The following FAM13B variants were observed in gnomAD, a reference collection of about 807,000 sequenced individuals.
FAM13B encodes protein FAM13B.
Under a neutral mutation model 117.3 loss-of-function variants are expected in FAM13B, and 60 were observed. That is an observed-to-expected ratio of 0.51 (90% CI 0.42 to 0.63). The LOEUF is 0.63. FAM13B is among the 30% of genes least tolerant of loss of function. The probability of loss-of-function intolerance (pLI) is 0.00; values close to 1 mark genes in which losing one functional copy is unlikely to be tolerated. For synonymous variants in FAM13B, 332 were observed against 356.1 expected (o/e 0.93, Z 0.76); for missense variants, 972 against 1,091.9 (o/e 0.89, Z 1.55).
At chr5:138,045,523 AC>A (rs1219342018) in intron 1 of FAM13B, among the ~76,000 whole-genome samples, 1 of 152,066 alleles carries the variant, frequency 6.6e-6, no homozygotes, top group Non-Finnish European at 1.5e-5. Context: ...ACAGAGCCAG[AC>A]CCCATCTCAA....
At chr5:138,041,142 T>C (rs1370783295) in intron 1 of FAM13B, among the ~76,000 whole-genome samples, 1 of 151,070 alleles carries the variant, frequency 6.6e-6, no homozygotes, top group Non-Finnish European at 1.5e-5. Context: ...GACCTTTCAA[T>C]AGTAACAATA....
chr5:138,015,299 G>A (rs1188330413), intron 4 of FAM13B, among the ~76,000 whole-genome samples: 6 of 152,208 alleles, frequency 3.9e-5, no homozygotes, highest in Non-Finnish European at 7.3e-5. Flanking sequence ...ACAGAAAAAT[G>A]AAACCACTTT....
intron 11 of FAM13B, among the ~76,000 whole-genome samples, chr5:137,960,964 G>A (rs1260104768): frequency 6.6e-6 from 1 of 152,164 alleles, no homozygotes; most frequent in Non-Finnish European, 1.5e-5. Context: ...ATGACACATC[G>A]AGATGTCACT....
At position 137,954,187 on chromosome 5, in the gene FAM13B, G is replaced by A; in HGVS notation, c.1697C>T (p.Ser566Phe). Residue 566 changes from serine (S) to phenylalanine (F), a missense_variant, in exon 15 of 24, where the codon TCT becomes TTT. Transcript: ENST00000689681. ...ATACCTAGTAAAAGACAGTGCTTTA[G>A]ATGAGGAATCCAACTTTTCTGGATC... ...LHDPEKLDSS[S>F]KALSFTRIRR... The A allele has an allele frequency of 6.2e-7, 1 of 1,613,744 alleles. No homozygotes were observed. Among genetic ancestry groups the A allele is most frequent in the Non-Finnish European group, 8.5e-7 (1 of 1,179,876 alleles).
chr5:137,945,047 C>T (rs1190841778), intron 20 of FAM13B, among the ~76,000 whole-genome samples: 1 of 151,770 alleles, frequency 6.6e-6, no homozygotes, highest in East Asian at 1.9e-4. Flanking sequence ...ACCTCAGCAT[C>T]AAGCAATACA....
chr5:137,955,243 T>G (rs1766170689), intron 14 of FAM13B, among the ~76,000 whole-genome samples: 1 of 152,202 alleles, frequency 6.6e-6, no homozygotes, highest in Non-Finnish European at 1.5e-5. Context: ...ACTCACCAAA[T>G]GGAGTTCTCT....
chr5:138,003,553 T>C (rs1176691477), intron 7 of FAM13B, among the ~76,000 whole-genome samples: 1 of 152,192 alleles, frequency 6.6e-6, no homozygotes, highest in Non-Finnish European at 1.5e-5. Context: ...TAGACATATC[T>C]GTTTCTGCTG....
At position 138,016,972 on chromosome 5, in the gene FAM13B, A is replaced by G. The variant is rs186051002; in HGVS notation, c.370+1330T>C. On this transcript the variant is annotated intron_variant, in intron 4 of 23. Coordinates refer to ENST00000689681, the MANE Select transcript of FAM13B (RefSeq NM_001385994.1). ...AAATGCTTATTATGTGTCTCAACATAAACATTTGAAAAAATTCCTGTAATA... is the reference window on the plus strand; with the variant it reads ...AAATGCTTATTATGTGTCTCAACATGAACATTTGAAAAAATTCCTGTAATA... Among the ~76,000 whole-genome samples the G allele has an allele frequency of 5.9e-5, 9 of 152,356 alleles. No homozygotes were observed. In the East Asian group the frequency reaches 1.7e-3, roughly 29 times the overall value.
chr5:137,975,980 CT>C (rs57478594), intron 10 of FAM13B, among the ~76,000 whole-genome samples: 2 of 110,186 alleles, frequency 1.8e-5, no homozygotes, highest in African/African-American at 3.7e-5. Flanking sequence ...TCAACTCTTC[CT>C]TTTTTTTTTT....
chr5:137,959,352 G>GC (rs1421485054), intron 13 of FAM13B, among the ~76,000 whole-genome samples: 1 of 152,144 alleles, frequency 6.6e-6, no homozygotes, highest in South Asian at 2.1e-4. Flanking sequence ...TATGCTGGGT[G>GC]ACTTTTTAAA....
intron 1 of FAM13B, 120 bp downstream of exon 1, chr5:138,032,662 A>G (rs988080142): frequency 3.7e-5 from 35 of 941,160 alleles, no homozygotes; most frequent in Non-Finnish European, 4.2e-5. Context: ...ACATCCCGAA[A>G]CGCAACGCCC....
At position 137,953,437 on chromosome 5, in the gene FAM13B, C is replaced by T. The variant is rs1217435674; in HGVS notation, c.1747G>A (p.Asp583Asn). 1 of 1,613,788 alleles carries T rather than the reference C, an allele frequency of 6.2e-7. No homozygotes were observed. Among genetic ancestry groups the T allele is most frequent in the Non-Finnish European group, 8.5e-7 (1 of 1,179,914 alleles). Residue 583 changes from aspartate (D) to asparagine (N), a missense_variant, in exon 16 of 24, where the codon GAT (aspartate) becomes AAT (asparagine). Transcript: ENST00000689681. ...GGTGTTCTGTCCTCTCTCTTTTCATCTTTTGAACTAAAGGATGATCTTCGA... is the reference window on the plus strand; with the variant it reads ...GGTGTTCTGTCCTCTCTCTTTTCATTTTTTGAACTAAAGGATGATCTTCGA... ...RIRRSSFSSK[D>N]EKREDRTPYQ...
rs1486872917 is a variant in FAM13B, at chr5:137,938,464, G to GA, written c.*1760dup. 6.6e-6 allele frequency: 1 copy of GA among 152,590 alleles called. No individual in the cohort carries two copies. 9.5% of individuals were successfully genotyped at this position (152,590 alleles called of 1,614,324 possible). On this transcript the variant is annotated 3_prime_UTR_variant, in exon 24 of 24. Transcript: ENST00000689681. ...ATCTGGAGACTGAAGGAAATTATCT[G>GA]AAATGTACACTGCATGATGGATTCA...
At chr5:137,948,049 A>G (rs1410563104) in intron 18 of FAM13B, among the ~76,000 whole-genome samples, 1 of 152,154 alleles carries the variant, frequency 6.6e-6, no homozygotes, top group Non-Finnish European at 1.5e-5. Flanking sequence ...TACCTAGATA[A>G]AAGTTCACCT....
At chr5:137,984,100 T>C (rs1776552787) in intron 10 of FAM13B, among the ~76,000 whole-genome samples, 1 of 152,206 alleles carries the variant, frequency 6.6e-6, no homozygotes, top group African/African-American at 2.4e-5. Context: ...AATTTAGTCA[T>C]TATTACAACA....
intron 14 of FAM13B, among the ~76,000 whole-genome samples, chr5:137,955,085 G>A (rs1431439611): frequency 6.6e-6 from 1 of 152,102 alleles, no homozygotes; most frequent in East Asian, 1.9e-4. Flanking sequence ...TTTTCAAGTA[G>A]GGGAAAACCA....
chr5:137,982,679 TTGTC>T (rs1463181838), intron 10 of FAM13B, among the ~76,000 whole-genome samples: 7 of 152,194 alleles, frequency 4.6e-5, no homozygotes, highest in African/African-American at 1.7e-4. Flanking sequence ...ATCATCCTCT[TTGTC>T]TAATTATTCA....
In FAM13B at chr5:137,942,936, C is replaced by G; in HGVS notation, c.2527G>C (p.Glu843Gln). 6.2e-7 allele frequency: 1 copy of G among 1,613,694 alleles called. No individual in the cohort carries two copies. The highest frequency in any genetic ancestry group is 8.5e-7 in the Non-Finnish European group (1 of 1,179,912). ...SSLENSESDV[E>Q]ENQEKLALDL... is the part of the protein sequence containing the mutation. ...AGAGCCAGTTTTTCTTGATTTTCTTCAACATCAGATTCAGAGTTTTCTAAT... is the reference window on the plus strand; with the variant it reads ...AGAGCCAGTTTTTCTTGATTTTCTTGAACATCAGATTCAGAGTTTTCTAAT... Residue 843 changes from glutamate (E) to glutamine (Q), a missense_variant, in exon 22 of 24, where the codon GAA becomes CAA. By Grantham distance (29) the Glu-to-Gln change is conservative (BLOSUM62 2). Transcript: ENST00000689681.
intron 10 of FAM13B, among the ~76,000 whole-genome samples, chr5:137,979,373 C>T (rs35365301): frequency 0.038 from 5,806 of 152,164 alleles, 136 homozygotes; most frequent in Middle Eastern, 0.058. Flanking sequence ...TGTTGTTGTC[C>T]TTACCCCCAG....
Sources: gnomAD v4.1 joint callset for allele counts (sites outside exome capture counted in the v4.1 genomes callset) on GRCh38, gnomAD v4.1.1 for gene constraint, MANE v1.5 for transcripts, NCBI Gene and HGNC (gene_info 2026-07-23, HGNC 2026-07-21) for gene names.